The following SHANK2 variants were observed in gnomAD, a reference collection of about 807,000 sequenced individuals.
The protein encoded by SHANK2 is SH3 and multiple ankyrin repeat domains protein 2.
A neutral mutation model predicts 133.7 loss-of-function variants in SHANK2; 43 were observed. The observed-to-expected ratio is 0.32, with a 90% CI of 0.25 to 0.41. The LOEUF (loss-of-function observed/expected upper bound fraction) is 0.41. Ranked by LOEUF, SHANK2 falls within the 10% of genes least tolerant of loss-of-function variation. SHANK2 has a pLI of 1.00. For missense variants in SHANK2, 1,994 were observed against 2,235.8 expected (o/e 0.89, Z 2.18); for synonymous variants, 1,017 against 952.8 (o/e 1.07, Z -1.24).
intron 14 of SHANK2, among the ~76,000 whole-genome samples, chr11:70,767,499 C>G (rs1269648398): frequency 6.6e-6 from 1 of 152,142 alleles, no homozygotes; most frequent in Non-Finnish European, 1.5e-5. Context: ...ATGGTCCATA[C>G]ACAAAAGGAA....
intron 14 of SHANK2, among the ~76,000 whole-genome samples, chr11:70,765,056 C>T (rs577596794): frequency 7.9e-5 from 12 of 152,284 alleles, no homozygotes; most frequent in South Asian, 2.1e-4. Flanking sequence ...CTGTTTTGAT[C>T]GGGGAGAGAA....
Position 70,579,882 on chromosome 11 carries a change from G to A in SHANK2, c.2062-76951C>T, listed in dbSNP as rs558124391. The stretch of plus-strand genomic sequence containing the variant: ...ATGGAAGCAGAAGTTGGAGGGATAC[G>A]CTGTTGGCTGGAGATGGAGGACCAC... On this transcript the variant is annotated intron_variant, in intron 17 of 25. Coordinates refer to ENST00000601538, the MANE Select transcript of SHANK2 (RefSeq NM_012309.5). 3.9e-5 allele frequency among the ~76,000 whole-genome samples: 6 copies of A among 152,324 alleles called. No individual in the cohort carries two copies. The East Asian group carries it at 5.8e-4, about 15-fold the overall frequency.
chr11:70,577,011 G>T (rs1313397145), intron 17 of SHANK2, among the ~76,000 whole-genome samples: 1 of 152,182 alleles, frequency 6.6e-6, no homozygotes, highest in Non-Finnish European at 1.5e-5. Context: ...GCCCAGGAGA[G>T]CGCCCGTCCT....
chr11:70,819,263 G>A (rs571472629), intron 12 of SHANK2, among the ~76,000 whole-genome samples: 7 of 152,364 alleles, frequency 4.6e-5, no homozygotes, highest in South Asian at 4.1e-4. Context: ...CCCTTGCTAC[G>A]TTCTGGCTGT....
At chr11:70,909,312 C>G (rs959887973) in intron 10 of SHANK2, among the ~76,000 whole-genome samples, 3 of 152,168 alleles carry the variant, frequency 2.0e-5, no homozygotes, top group Non-Finnish European at 2.9e-5. Context: ...TACTTGGCCT[C>G]CAGGAACCCT....
intron 15 of SHANK2, among the ~76,000 whole-genome samples, chr11:70,678,326 G>C (rs943791268): frequency 6.6e-6 from 1 of 151,806 alleles, no homozygotes; most frequent in African/African-American, 2.4e-5. Flanking sequence ...TAGAGATGGG[G>C]TCTCGCTTTG....
At chr11:70,750,230 A>G (rs558699393) in intron 14 of SHANK2, among the ~76,000 whole-genome samples, 4 of 152,210 alleles carry the variant, frequency 2.6e-5, no homozygotes, top group Non-Finnish European at 5.9e-5. Flanking sequence ...TGAAAGCCAC[A>G]TGTGTATAAC....
At chr11:71,229,960 T>C (rs182738095) in intron 1 of SHANK2, among the ~76,000 whole-genome samples, 66 of 152,212 alleles carry the variant, frequency 4.3e-4, no homozygotes, top group Admixed American at 8.5e-4. Context: ...CCCAAACTGA[T>C]GTGCAGGTGA....
At chr11:70,662,808 G>A (rs1267027957) in intron 15 of SHANK2, among the ~76,000 whole-genome samples, 2 of 152,158 alleles carry the variant, frequency 1.3e-5, no homozygotes, top group Non-Finnish European at 2.9e-5. Flanking sequence ...GGCACCCAGA[G>A]TGTGTGGGAC....
intron 17 of SHANK2, among the ~76,000 whole-genome samples, chr11:70,649,441 C>T (rs967313825): frequency 5.3e-5 from 8 of 152,188 alleles, no homozygotes; most frequent in South Asian, 2.1e-4. Context: ...CGCACACACA[C>T]CCTAATTCCC....
intron 17 of SHANK2, among the ~76,000 whole-genome samples, chr11:70,576,007 C>T (rs533279939): frequency 4.6e-5 from 7 of 152,014 alleles, no homozygotes; most frequent in East Asian, 1.9e-4. Flanking sequence ...GAATGAGCTT[C>T]GGTGTGCTGC....
At chr11:70,587,678 C>T (rs1333832185) in intron 17 of SHANK2, among the ~76,000 whole-genome samples, 1 of 150,954 alleles carries the variant, frequency 6.6e-6, no homozygotes, top group Non-Finnish European at 1.5e-5. Flanking sequence ...TTTATGGCAA[C>T]CCATTGTTGA....
At chr11:70,789,177 A>G (rs549309425) in intron 14 of SHANK2, among the ~76,000 whole-genome samples, 2 of 152,312 alleles carry the variant, frequency 1.3e-5, no homozygotes, top group African/African-American at 4.8e-5. Flanking sequence ...CTTCCCAGAC[A>G]TACACAACAC....
chr11:70,574,714 G>T (rs10751250), intron 17 of SHANK2, among the ~76,000 whole-genome samples: 23 of 151,986 alleles, frequency 1.5e-4, no homozygotes, highest in African/African-American at 4.8e-4. Context: ...CTGGGGACCA[G>T]GCCGTTCTGC....
intron 10 of SHANK2, among the ~76,000 whole-genome samples, chr11:70,949,130 A>G (rs945232931): frequency 6.6e-6 from 1 of 152,216 alleles, no homozygotes; most frequent in Non-Finnish European, 1.5e-5. Flanking sequence ...TAAACACACC[A>G]AAAGAAGAAG....
At chr11:70,528,735 C>T (rs1176232385) in intron 17 of SHANK2, among the ~76,000 whole-genome samples, 5 of 151,720 alleles carry the variant, frequency 3.3e-5, no homozygotes, top group Non-Finnish European at 4.4e-5. Context: ...AGGAAGGAAG[C>T]GTCCTCGGCA....
At chr11:70,916,767 T>A (rs1403551203) in intron 10 of SHANK2, among the ~76,000 whole-genome samples, 1 of 152,092 alleles carries the variant, frequency 6.6e-6, no homozygotes, top group Non-Finnish European at 1.5e-5. Context: ...CTTGCAGGTA[T>A]CCAAGCAGCC....
At chr11:71,074,288 G>A (rs1001049356) in intron 9 of SHANK2, among the ~76,000 whole-genome samples, 207 of 152,246 alleles carry the variant, frequency 1.4e-3, no homozygotes, top group African/African-American at 4.3e-3. Flanking sequence ...TTAGAGACCC[G>A]GAGAACAGCG....
In SHANK2 at chr11:70,485,838, G is replaced by T. The variant is rs782064436; in HGVS notation, c.4455C>A (p.Ala1485=). Residue 1485 remains alanine, a synonymous_variant, in exon 25 of 26, where the codon GCC becomes GCA. Transcript: ENST00000601538. This position sits in a 1 kb window ranked among gnomAD's most constrained non-coding sequence, Gnocchi z 5.8. ...SFLPPPESFD[A]VADSGIEEVD... ...CCTCCTCGATCCCAGAGTCGGCGACGGCGTCAAAGCTTTCAGGGGGTGGCA... is the reference window on the plus strand; with the variant it reads ...CCTCCTCGATCCCAGAGTCGGCGACTGCGTCAAAGCTTTCAGGGGGTGGCA... 6.2e-7 allele frequency: 1 copy of T among 1,613,984 alleles called. No homozygotes were observed.
Sources: allele counts gnomAD v4.1 joint callset (sites outside exome capture counted in the v4.1 genomes callset), GRCh38; gene constraint gnomAD v4.1.1; non-coding constraint Gnocchi (gnomAD v3.1); transcripts MANE v1.5; gene names NCBI Gene and HGNC (gene_info 2026-07-23, HGNC 2026-07-21).